Variants in ZNF8 observed in about 807,000 individuals in gnomAD.
ZNF8 encodes zinc finger protein 272.
In ZNF8, 9 loss-of-function variants were observed where a neutral mutation model predicts 12.2. That is an observed-to-expected ratio of 0.73 (90% CI 0.44 to 1.28). The LOEUF is 1.28. Ranked by LOEUF, ZNF8 falls within the 50% of genes most tolerant of loss-of-function variation. ZNF8 has a pLI of 0.00. For missense variants in ZNF8, 664 were observed against 729.1 expected, an observed-to-expected ratio of 0.91 and a Z score of 1.03; for synonymous variants, 274 against 282.3, an observed-to-expected ratio of 0.97 and a Z score of 0.30.
Position 58,294,184 on chromosome 19 carries a change from G to C in ZNF8, c.376G>C (p.Gly126Arg). ...EEPSHVTGRE[G>R]FPTDAPYPTT... ...GCCATCCCATGTCACGGGAAGGGAA[G>C]GATTCCCGACAGATGCTCCTTATCC... Residue 126 changes from glycine to arginine, a missense_variant, in exon 4 of 4, where the codon GGA becomes CGA. Coordinates refer to ENST00000621650, the MANE Select transcript of ZNF8 (RefSeq NM_021089.3). This position sits in a 1 kb window ranked among gnomAD's most constrained non-coding sequence, Gnocchi z 5.5. 6.2e-7 allele frequency: 1 copy of C among 1,614,108 alleles called. No individual in the cohort carries two copies. Among genetic ancestry groups the C allele is most frequent in the Non-Finnish European group, 8.5e-7 (1 of 1,179,966 alleles).
In ZNF8 at chr19:58,301,171, C is replaced by T. The variant is rs2051489868; in HGVS notation, c.*5635C>T. On this transcript the variant is annotated 3_prime_UTR_variant, in exon 4 of 4. Coordinates refer to ENST00000621650, the MANE Select transcript of ZNF8 (RefSeq NM_021089.3). ...CTCCCCAAACCCAGCCTACCCCAAA[C>T]AAAACTCATTTTCCACCCAGACTAG... 6.6e-6 allele frequency: 1 copy of T among 152,220 alleles called. No individual in the cohort carries two copies. Among genetic ancestry groups the T allele is most frequent in the African/African-American group, 2.4e-5 (1 of 41,436 alleles). 9.4% of individuals were successfully genotyped at this position (152,220 alleles called of 1,614,324 possible). A position where few individuals can be genotyped will look rare whatever the true frequency, so the allele number is the denominator to read the frequency against.
chr19:58,286,018 T>C lies in ZNF8; in HGVS notation c.194-92T>C, dbSNP rs528570138. The C allele has an allele frequency of 2.8e-4, 399 of 1,431,848 alleles. 5 individuals are homozygous for C. The South Asian group carries it at 4.2e-3, about 15-fold the overall frequency. 88.7% of individuals were successfully genotyped at this position (1,431,848 alleles called of 1,614,324 possible). A position where few individuals can be genotyped will look rare whatever the true frequency, so the allele number is the denominator to read the frequency against. On this transcript the variant is annotated intron_variant, in intron 2 of 3. Transcript: ENST00000621650. ...TTCACCATGTTGTGAGGTGCCCACG[T>C]GTCCTCACAGTCGGGAGTCTGGTCT...
At chr19:58,288,918 C>G (rs1360387449) in intron 3 of ZNF8, among the ~76,000 whole-genome samples, 1 of 152,096 alleles carries the variant, frequency 6.6e-6, no homozygotes, top group Admixed American at 6.5e-5. Flanking sequence ...TCACCCTGGA[C>G]ATATGCCTGT....
intron 2 of ZNF8, 128 bp downstream of exon 2, chr19:58,285,971 CT>C: frequency 6.9e-7 from 1 of 1,448,024 alleles, no homozygotes; most frequent in Non-Finnish European, 9.5e-7. Context: ...GAGGTCTGCC[CT>C]TTTCCATCAC....
rs760168149 is a variant in ZNF8, at chr19:58,295,204, C to T, written c.1396C>T (p.Pro466Ser). 2.5e-6 allele frequency: 4 copies of T among 1,614,090 alleles called. No homozygotes were observed. Among genetic ancestry groups the T allele is most frequent in the Non-Finnish European group, 3.4e-6 (4 of 1,180,048 alleles). Residue 466 changes from proline (P) to serine (S), a missense_variant, in exon 4 of 4, where the codon CCC becomes TCC. Pro to Ser is a moderately conservative substitution (Grantham distance 74, BLOSUM62 -1). Coordinates refer to ENST00000621650, the MANE Select transcript of ZNF8 (RefSeq NM_021089.3). ...QDERTHRSDRPFKCNQCGKCF... is the reference protein window; with the variant it reads ...QDERTHRSDRSFKCNQCGKCF... ...TGAGAGGACTCACCGAAGCGACAGA[C>T]CCTTCAAATGTAATCAGTGTGGGAA...
intron 1 of ZNF8, among the ~76,000 whole-genome samples, chr19:58,284,257 T>G (rs922764531): frequency 6.6e-6 from 1 of 151,996 alleles, no homozygotes; most frequent in Non-Finnish European, 1.5e-5. Flanking sequence ...ATTCAGTCTG[T>G]GATATTCTGT....
intron 3 of ZNF8, among the ~76,000 whole-genome samples, chr19:58,287,638 CTTTTTTTTTTTT>C (rs35340103): frequency 1.1e-4 from 7 of 64,834 alleles, no homozygotes; most frequent in African/African-American, 4.3e-4. Flanking sequence ...TGCACCTGGC[CTTTTTTTTTTTT>C]TTTTTTTTTT....
At chr19:58,282,131 A>T (rs976595183) in intron 1 of ZNF8, among the ~76,000 whole-genome samples, 1 of 145,300 alleles carries the variant, frequency 6.9e-6, no homozygotes, top group Non-Finnish European at 1.5e-5. Flanking sequence ...AAATAAAAAA[A>T]TTGAAGTATT....
intron 3 of ZNF8, among the ~76,000 whole-genome samples, chr19:58,291,290 A>G (rs73568692): frequency 0.014 from 2,074 of 152,202 alleles, 48 homozygotes; most frequent in African/African-American, 0.045. Flanking sequence ...TCTCTCTCGG[A>G]GACTCCATGG....
rs183858019 is a variant in ZNF8, at chr19:58,279,442, G to A, written c.66+295G>A. The A allele has an allele frequency of 2.8e-5, 41 of 1,452,596 alleles. No individual in the cohort carries two copies. The Middle Eastern group carries it at 1.0e-3, about 36-fold the overall frequency. 90.0% of individuals were successfully genotyped at this position (1,452,596 alleles called of 1,614,324 possible). A position where few individuals can be genotyped will look rare whatever the true frequency, so the allele number is the denominator to read the frequency against. On this transcript the variant is annotated intron_variant, in intron 1 of 3. Transcript: ENST00000621650. ...CGAGCAGGCCCATCTCCTGCGTTCTGCTCCGCCCCGCCGACACCCTTGCCC... is the reference window on the plus strand; with the variant it reads ...CGAGCAGGCCCATCTCCTGCGTTCTACTCCGCCCCGCCGACACCCTTGCCC...
chr19:58,279,469 T>C lies in ZNF8; in HGVS notation c.66+322T>C, dbSNP rs1343330383. On this transcript the variant is annotated intron_variant, in intron 1 of 3. Coordinates refer to ENST00000621650, the MANE Select transcript of ZNF8 (RefSeq NM_021089.3). ...TCCGCCCCGCCGACACCCTTGCCCA[T>C]TCCAGGAAGGTCTGTCCTCGTGTTG... 3 of 1,460,378 alleles carry C rather than the reference T, an allele frequency of 2.1e-6. 1 individual carries two copies. In the South Asian group the frequency reaches 4.1e-5, roughly 20 times the overall value. The allele number at this position is 1,460,378 out of a possible 1,614,324, so 90.5% of individuals were successfully genotyped here. A position where few individuals can be genotyped will look rare whatever the true frequency, so the allele number is the denominator to read the frequency against.
chr19:58,283,195 C>T (rs1236063699), intron 1 of ZNF8, among the ~76,000 whole-genome samples: 1 of 151,916 alleles, frequency 6.6e-6, no homozygotes, highest in Admixed American at 6.6e-5. Context: ...CAGTCTTGAT[C>T]TCCTGGACTC....
chr19:58,288,270 A>G (rs2051396964), intron 3 of ZNF8, among the ~76,000 whole-genome samples: 1 of 152,108 alleles, frequency 6.6e-6, no homozygotes, highest in South Asian at 2.1e-4. Flanking sequence ...AGCTCAAAAT[A>G]AAGAAGCATT....
intron 3 of ZNF8, among the ~76,000 whole-genome samples, chr19:58,287,638 C>T (rs1310883932): frequency 4.6e-5 from 3 of 64,832 alleles, no homozygotes; most frequent in South Asian, 6.6e-4. Context: ...TGCACCTGGC[C>T]TTTTTTTTTT....
Position 58,295,326 on chromosome 19 carries a change from G to A in ZNF8, c.1518G>A (p.Ser506=), listed in dbSNP as rs146420915. 9.5e-5 allele frequency: 153 copies of A among 1,614,194 alleles called. No individual in the cohort carries two copies. The highest frequency in any genetic ancestry group is 1.6e-4 in the Middle Eastern group (1 of 6,062). Reference sequence around the variant, plus strand: ...GAAGCCGGCGGCGTGAACAATCCTCGAGCAGGAACTCACACCTGGTTCAGC... The same window carrying A: ...GAAGCCGGCGGCGTGAACAATCCTCAAGCAGGAACTCACACCTGGTTCAGC... ...HGRSRRREQS[S]SRNSHLVQHQ... Residue 506 remains serine, a synonymous_variant, in exon 4 of 4, where the codon TCG becomes TCA. Transcript: ENST00000621650.
intron 1 of ZNF8, among the ~76,000 whole-genome samples, chr19:58,282,927 C>G (rs2051359664): frequency 6.6e-6 from 1 of 151,914 alleles, no homozygotes; most frequent in South Asian, 2.1e-4. Context: ...TGCGCCCAGC[C>G]TCTTACATTT....
In ZNF8 at chr19:58,296,077, C is replaced by T. The variant is rs1448899609; in HGVS notation, c.*541C>T. On this transcript the variant is annotated 3_prime_UTR_variant, in exon 4 of 4. Coordinates refer to ENST00000621650, the MANE Select transcript of ZNF8 (RefSeq NM_021089.3). ...TAACTCTTGGAAAAGTTTTTAACAA[C>T]ATAATATGCTATTGCATTTCTGGGA... The T allele has an allele frequency of 1.3e-5, 2 of 153,000 alleles. No individual in the cohort carries two copies. Among genetic ancestry groups the T allele is most frequent in the Non-Finnish European group, 2.9e-5 (2 of 68,642 alleles). The allele number at this position is 153,000 out of a possible 1,614,324, so 9.5% of individuals were successfully genotyped here. A position where few individuals can be genotyped will look rare whatever the true frequency, so the allele number is the denominator to read the frequency against.
intron 1 of ZNF8, chr19:58,279,822 C>G: frequency 7.1e-7 from 1 of 1,409,300 alleles, no homozygotes; most frequent in East Asian, 3.5e-5. Context: ...AGCTGCCTCG[C>G]GTGGCAGGAA....
In ZNF8 at chr19:58,300,554, CTA is replaced by C. The variant is rs2051485663; in HGVS notation, c.*5019_*5020del. 1 of 152,266 alleles carries C rather than the reference CTA, an allele frequency of 6.6e-6. No individual in the cohort carries two copies. Among genetic ancestry groups the C allele is most frequent in the Non-Finnish European group, 1.5e-5 (1 of 68,056 alleles). 9.4% of individuals were successfully genotyped at this position (152,266 alleles called of 1,614,324 possible). A position where few individuals can be genotyped will look rare whatever the true frequency, so the allele number is the denominator to read the frequency against. ...GCTTAGAAACCTCGTATTTACCTTT[CTA>C]ACCTCTGTGGTGGAGACAGGTGGGA... On this transcript the variant is annotated 3_prime_UTR_variant, in exon 4 of 4. Coordinates refer to ENST00000621650, the MANE Select transcript of ZNF8 (RefSeq NM_021089.3).
Sources: gnomAD v4.1 joint callset for allele counts (sites outside exome capture counted in the v4.1 genomes callset) on GRCh38, gnomAD v4.1.1 for gene constraint, Gnocchi (gnomAD v3.1) non-coding constraint, MANE v1.5 for transcripts, NCBI Gene and HGNC (gene_info 2026-07-23, HGNC 2026-07-21) for gene names.